Variants in GPR161 observed in about 807,000 individuals in gnomAD.
GPR161 encodes the protein G-protein coupled receptor RE2.
GPR161 carries 25 observed loss-of-function variants against 39.2 expected under a neutral mutation model. The observed-to-expected ratio is 0.64, with a 90% CI of 0.47 to 0.89. The LOEUF (loss-of-function observed/expected upper bound fraction) is 0.89, where lower values mean the gene tolerates loss of function less well. Among genes scored for constraint, GPR161 ranks in the 40% least tolerant of loss-of-function variants. GPR161 has a pLI of 0.00. For missense variants in GPR161, 547 were observed against 677.8 expected (o/e 0.81, Z 2.14); for synonymous variants, 286 against 276.6 (o/e 1.03, Z -0.34).
chr1:168,095,774 T>C (rs1477758719), intron 3 of GPR161, among the ~76,000 whole-genome samples: 1 of 151,866 alleles, frequency 6.6e-6, no homozygotes, highest in Non-Finnish European at 1.5e-5. Context: ...AAGGAAAGGA[T>C]GTGGATGTGG....
intron 1 of GPR161, among the ~76,000 whole-genome samples, chr1:168,118,434 G>A (rs924095033): frequency 2.6e-5 from 4 of 151,792 alleles, no homozygotes; most frequent in African/African-American, 9.7e-5. Context: ...GGTGTAGAGT[G>A]GTAGACAATG....
chr1:168,109,181 G>A (rs140560075), intron 1 of GPR161, among the ~76,000 whole-genome samples: 131 of 152,270 alleles, frequency 8.6e-4, no homozygotes, highest in African/African-American at 2.8e-3. Flanking sequence ...AAAGGATAGC[G>A]TTGTTCACTT....
chr1:168,102,488 C>T (rs2102163526), intron 2 of GPR161, among the ~76,000 whole-genome samples: 1 of 152,286 alleles, frequency 6.6e-6, no homozygotes, highest in Middle Eastern at 3.4e-3. Flanking sequence ...GGGCACAGGC[C>T]TTTCCTGGAG....
upstream of GPR161, chr1:168,137,007 G>A (rs1442853083): frequency 4.7e-4 from 346 of 734,186 alleles, 5 homozygotes; most frequent in South Asian, 0.019. Context: ...GCCCCGAGCC[G>A]CCTCCCCGCG....
chr1:168,112,659 C>A (rs560041061), intron 1 of GPR161, among the ~76,000 whole-genome samples: 1 of 151,780 alleles, frequency 6.6e-6, no homozygotes, highest in South Asian at 2.1e-4. Context: ...GAGTTCGGGA[C>A]CAGCCTGGCT....
intron 3 of GPR161, among the ~76,000 whole-genome samples, chr1:168,092,475 G>A (rs1695157348): frequency 6.6e-6 from 1 of 152,188 alleles, no homozygotes; most frequent in Non-Finnish European, 1.5e-5. Context: ...TTTACCAGCA[G>A]AGGGTGGAGA....
rs1454799235 is a variant in GPR161, at chr1:168,096,767, C to T, written c.840G>A (p.Met280Ile). ...ITILVVLGAF[M>I]VTWGPYMVVI... ...CAACCATGTAGGGGCCCCAGGTGAC[C>T]ATGAAGGCACCGAGGACCACCAGGA... Residue 280 changes from methionine to isoleucine, a missense_variant, in exon 3 of 6, where the codon ATG becomes ATA. By Grantham distance (10) the Met-to-Ile change is conservative (BLOSUM62 1). Coordinates refer to ENST00000682931, the MANE Select transcript of GPR161 (RefSeq NM_001375883.1). 2 of 1,614,070 alleles carry T rather than the reference C, an allele frequency of 1.2e-6. No homozygotes were observed. The highest frequency in any genetic ancestry group is 1.3e-5 in the African/African-American group (1 of 75,030).
intron 1 of GPR161, chr1:168,114,372 G>A (rs1375588555): frequency 6.6e-6 from 1 of 152,160 alleles, no homozygotes; most frequent in Non-Finnish European, 1.5e-5. Flanking sequence ...CATGAGGTCA[G>A]GAGTTCAAGA....
intron 1 of GPR161, chr1:168,135,928 G>T: frequency 1.5e-6 from 1 of 666,686 alleles, no homozygotes; most frequent in South Asian, 7.4e-5. Flanking sequence ...CCTCCAAGAT[G>T]TGATATAAAG....
chr1:168,129,921 C>A (rs904552838), intron 1 of GPR161, among the ~76,000 whole-genome samples: 27 of 152,312 alleles, frequency 1.8e-4, no homozygotes, highest in Non-Finnish European at 1.5e-5. Context: ...TTGCTTTGGG[C>A]AAGGTCACCC....
intron 4 of GPR161, chr1:168,088,058 G>T: frequency 5.2e-6 from 1 of 190,766 alleles, no homozygotes; most frequent in Non-Finnish European, 1.1e-5. Context: ...CTACTAAAAG[G>T]AACTTTATAT....
rs117778012 is a variant in GPR161, at chr1:168,128,111, C to T, written c.-45+8628G>A. ...TTTACCTCCACCTGTAACTGTGGGG[C>T]TGATATTCCATGCTTCCTTTGGCTC... On this transcript the variant is annotated intron_variant, in intron 1 of 5. Coordinates refer to ENST00000682931, the MANE Select transcript of GPR161 (RefSeq NM_001375883.1). 1.4e-4 allele frequency among the ~76,000 whole-genome samples: 21 copies of T among 152,266 alleles called. No homozygotes were observed. The East Asian group carries it at 3.9e-3, about 28-fold the overall frequency.
intron 1 of GPR161, among the ~76,000 whole-genome samples, chr1:168,113,514 C>T (rs921377751): frequency 1.6e-4 from 25 of 152,170 alleles, no homozygotes; most frequent in African/African-American, 5.1e-4. Context: ...CCACTGGCAA[C>T]GGCTTCAGGT....
In GPR161 at chr1:168,082,908, CTT is replaced by C. The variant is rs1694174903; in HGVS notation, c.*2621_*2622del. The C allele has an allele frequency of 6.6e-6, 1 of 152,294 alleles. No homozygotes were observed. Among genetic ancestry groups the C allele is most frequent in the African/African-American group, 2.4e-5 (1 of 41,440 alleles). The allele number at this position is 152,294 out of a possible 1,614,324, so 9.4% of individuals were successfully genotyped here. A position where few individuals can be genotyped will look rare whatever the true frequency, so the allele number is the denominator to read the frequency against. ...CCTTCTCCCCCACACCCCCTTCTCT[CTT>C]TCTCTCTAGCTGAATAAAGGCAAAT... On this transcript the variant is annotated 3_prime_UTR_variant, in exon 6 of 6. Transcript: ENST00000682931.
intron 5 of GPR161, among the ~76,000 whole-genome samples, 182 bp from the exon 6 acceptor site, chr1:168,085,978 T>C (rs1185476096): frequency 6.6e-6 from 1 of 152,136 alleles, no homozygotes; most frequent in East Asian, 1.9e-4. Flanking sequence ...TGGGAAATCT[T>C]GGAAAAAGTA....
chr1:168,124,852 C>G (rs867222104), intron 1 of GPR161, among the ~76,000 whole-genome samples: 2 of 152,160 alleles, frequency 1.3e-5, no homozygotes, highest in African/African-American at 4.8e-5. Flanking sequence ...CTCTCCCTCT[C>G]CCTCTCATGC....
intron 1 of GPR161, among the ~76,000 whole-genome samples, chr1:168,110,976 T>C (rs1293102132): frequency 6.8e-6 from 1 of 147,722 alleles, no homozygotes; most frequent in Non-Finnish European, 1.5e-5. Context: ...GACAAACGAA[T>C]GGGTATGTTA....
intron 1 of GPR161, among the ~76,000 whole-genome samples, chr1:168,111,180 G>A (rs1246261860): frequency 6.6e-6 from 1 of 152,210 alleles, no homozygotes; most frequent in Non-Finnish European, 1.5e-5. Context: ...CGAGGTTAGA[G>A]AGAATTAAAG....
chr1:168,104,138 A>G (rs1696368188), intron 2 of GPR161, among the ~76,000 whole-genome samples: 1 of 152,214 alleles, frequency 6.6e-6, no homozygotes, highest in Admixed American at 6.5e-5. Context: ...GGAGAAAGAG[A>G]AGCAGAGTCA....
Sources: gnomAD v4.1 joint callset for allele counts (sites outside exome capture counted in the v4.1 genomes callset) on GRCh38, gnomAD v4.1.1 for gene constraint, MANE v1.5 for transcripts, NCBI Gene and HGNC (gene_info 2026-07-23, HGNC 2026-07-21) for gene names.